The following THRB variants were observed in gnomAD, a reference collection of about 807,000 sequenced individuals.
The protein encoded by THRB is thyroid hormone receptor beta.
A neutral mutation model predicts 47.8 loss-of-function variants in THRB; 12 were observed. That is an observed-to-expected ratio of 0.25 (90% CI 0.16 to 0.41). The LOEUF (loss-of-function observed/expected upper bound fraction) is 0.41. THRB is among the 10% of genes least tolerant of loss of function. THRB has a pLI of 1.00. For synonymous variants in THRB, 218 were observed against 212.2 expected (o/e 1.03, Z -0.24); for missense variants, 348 against 589.2 (o/e 0.59, Z 4.24).
intron 1 of THRB, among the ~76,000 whole-genome samples, chr3:24,475,641 TA>T (rs998799589): frequency 3.3e-5 from 5 of 152,208 alleles, no homozygotes; most frequent in Non-Finnish European, 5.9e-5. Flanking sequence ...GACAGTTTTT[TA>T]AAAATGAGCA....
intron 4 of THRB, among the ~76,000 whole-genome samples, chr3:24,228,565 T>C (rs1308267049): frequency 6.8e-6 from 1 of 146,528 alleles, no homozygotes; most frequent in Non-Finnish European, 1.5e-5. Flanking sequence ...CCTGGGAGGT[T>C]GGGGCTGCAG....
rs371034814 is a variant in THRB, at chr3:24,279,534, G to A, written c.-43+17692C>T. On this transcript the variant is annotated intron_variant, in intron 3 of 10. Coordinates refer to ENST00000646209, the MANE Select transcript of THRB (RefSeq NM_001354712.2). ...CGAGTAGCTGGGACTACAGGCGCCC[G>A]CCACCACGGCTGGCTAATTTTTTTG... is the stretch of plus-strand genomic sequence containing the variant. 3.4e-3 allele frequency among the ~76,000 whole-genome samples: 512 copies of A among 150,260 alleles called. 12 individuals carry two copies. The East Asian group carries it at 0.041, about 12-fold the overall frequency.
chr3:24,365,979 T>A (rs1476901860), intron 1 of THRB, among the ~76,000 whole-genome samples: 1 of 152,224 alleles, frequency 6.6e-6, no homozygotes, highest in Non-Finnish European at 1.5e-5. Context: ...TAATCGGGCG[T>A]ATTTTGACTT....
intron 3 of THRB, among the ~76,000 whole-genome samples, chr3:24,291,567 A>G (rs1463141579): frequency 6.6e-6 from 1 of 152,202 alleles, no homozygotes; most frequent in Non-Finnish European, 1.5e-5. Context: ...ATGATACATA[A>G]TGCAATGTAA....
rs1199105882 is a variant in THRB, at chr3:24,117,895, CA to C, written c.*4988del. On this transcript the variant is annotated 3_prime_UTR_variant, in exon 11 of 11. Transcript: ENST00000646209. ...TTGGCAGCTGATGTTAACATAATTC[CA>C]TTAGTAATATTCCTGAATAATTTGA... is the stretch of plus-strand genomic sequence containing the variant. The C allele has an allele frequency of 3.3e-5, 5 of 152,182 alleles. No individual in the cohort carries two copies. Among genetic ancestry groups the C allele is most frequent in the Admixed American group, 3.3e-4 (5 of 15,292 alleles). The allele number at this position is 152,182 out of a possible 1,614,324, so 9.4% of individuals were successfully genotyped here. A position where few individuals can be genotyped will look rare whatever the true frequency, so the allele number is the denominator to read the frequency against.
intron 1 of THRB, among the ~76,000 whole-genome samples, chr3:24,439,018 G>C (rs917939392): frequency 6.6e-6 from 1 of 152,210 alleles, no homozygotes; most frequent in Admixed American, 6.5e-5. Flanking sequence ...TAGAAGTCTA[G>C]TCTGATCCCA....
chr3:24,472,012 A>C (rs1302316579), intron 1 of THRB, among the ~76,000 whole-genome samples: 1 of 152,210 alleles, frequency 6.6e-6, no homozygotes, highest in Admixed American at 6.5e-5. Flanking sequence ...ACCTCTGCTA[A>C]GAAGAGTTTC....
At chr3:24,431,260 CT>C (rs1235754234) in intron 1 of THRB, among the ~76,000 whole-genome samples, 30 of 73,600 alleles carry the variant, frequency 4.1e-4, no homozygotes, top group African/African-American at 1.0e-3. Flanking sequence ...CTCTCTCTCT[CT>C]ACACACACAC....
At chr3:24,286,814 G>A (rs762612704) in intron 3 of THRB, among the ~76,000 whole-genome samples, 4 of 152,058 alleles carry the variant, frequency 2.6e-5, no homozygotes, top group Non-Finnish European at 4.4e-5. Context: ...ATTTCTCTGA[G>A]GAGCAAGCAT....
Position 24,383,428 on chromosome 3 carries a change from C to T in THRB, c.-260-46057G>A, listed in dbSNP as rs1223825684. Reference sequence around the variant, plus strand: ...AGAAATGGGGGTGGGCAGATACTTGCTCTTTATTTTAAATATGTGTATTTA... The same window carrying T: ...AGAAATGGGGGTGGGCAGATACTTGTTCTTTATTTTAAATATGTGTATTTA... On this transcript the variant is annotated intron_variant, in intron 1 of 10. Coordinates refer to ENST00000646209, the MANE Select transcript of THRB (RefSeq NM_001354712.2). 2.6e-5 allele frequency among the ~76,000 whole-genome samples: 4 copies of T among 152,038 alleles called. No individual in the cohort carries two copies. The South Asian group carries it at 6.2e-4, about 24-fold the overall frequency.
At chr3:24,438,506 GGTGTGTGT>G (rs145050133) in intron 1 of THRB, among the ~76,000 whole-genome samples, 6,787 of 145,936 alleles carry the variant, frequency 0.047, 187 homozygotes, top group Non-Finnish European at 0.065. Context: ...AGAACAAAAA[GGTGTGTGT>G]GTGTGTGTGT....
At chr3:24,279,630 C>T (rs1040998237) in intron 3 of THRB, among the ~76,000 whole-genome samples, 1 of 150,562 alleles carries the variant, frequency 6.6e-6, no homozygotes, top group East Asian at 2.0e-4. Flanking sequence ...CTCCTGACCT[C>T]GTGATCCACC....
At chr3:24,193,205 G>A (rs1380549971) in intron 4 of THRB, among the ~76,000 whole-genome samples, 2 of 152,180 alleles carry the variant, frequency 1.3e-5, no homozygotes, top group African/African-American at 2.4e-5. Context: ...TTCCTTCAAA[G>A]CTCACACAAA....
chr3:24,204,290 C>A (rs1209303590), intron 4 of THRB, among the ~76,000 whole-genome samples: 5 of 152,226 alleles, frequency 3.3e-5, no homozygotes, highest in Non-Finnish European at 7.3e-5. Flanking sequence ...GGCTGGGTAA[C>A]CCTCTAAGAC....
intron 3 of THRB, among the ~76,000 whole-genome samples, chr3:24,262,876 C>G (rs925697372): frequency 2.6e-5 from 4 of 151,990 alleles, no homozygotes; most frequent in Admixed American, 2.0e-4. Context: ...GTTAATTACT[C>G]TATCTCTAGA....
At chr3:24,193,048 G>A (rs1210265945) in intron 4 of THRB, among the ~76,000 whole-genome samples, 1 of 152,120 alleles carries the variant, frequency 6.6e-6, no homozygotes, top group African/African-American at 2.4e-5. Flanking sequence ...TCCCAAGGAA[G>A]GATGAGACTC....
intron 1 of THRB, among the ~76,000 whole-genome samples, chr3:24,490,884 G>C (rs763016060): frequency 6.6e-6 from 1 of 152,026 alleles, no homozygotes; most frequent in Non-Finnish European, 1.5e-5. Context: ...AACATACTGG[G>C]TTACTTTTCA....
At chr3:24,344,593 A>C (rs2062888066) in intron 1 of THRB, among the ~76,000 whole-genome samples, 2 of 152,070 alleles carry the variant, frequency 1.3e-5, no homozygotes, top group Non-Finnish European at 2.9e-5. Context: ...AAATCCTCTA[A>C]TGTACTAAAT....
chr3:24,269,933 T>C (rs528716971), intron 3 of THRB, among the ~76,000 whole-genome samples: 84 of 152,342 alleles, frequency 5.5e-4, no homozygotes, highest in Non-Finnish European at 1.0e-3. Context: ...TTTTTCTGAA[T>C]TGTTTTCTCA....
Sources: gnomAD v4.1 joint callset for allele counts (sites outside exome capture counted in the v4.1 genomes callset) on GRCh38, gnomAD v4.1.1 for gene constraint, MANE v1.5 for transcripts, NCBI Gene and HGNC (gene_info 2026-07-23, HGNC 2026-07-21) for gene names.